COL12A1: variants seen among roughly 807,000 people sequenced by gnomAD.
COL12A1 encodes collagen type XII alpha 1 chain, also known as collagen alpha-1(XII) chain.
Under a neutral mutation model 349.7 loss-of-function variants are expected in COL12A1, and 114 were observed. That is an observed-to-expected ratio of 0.33 (90% CI 0.28 to 0.38). The LOEUF (loss-of-function observed/expected upper bound fraction) is 0.38, where lower values mean the gene tolerates loss of function less well. Ranked by LOEUF, COL12A1 falls within the 10% of genes least tolerant of loss-of-function variation. COL12A1 has a pLI of 1.00. For missense variants in COL12A1, 3,284 were observed against 3,756.9 expected (o/e 0.87, Z 3.29); for synonymous variants, 1,369 against 1,329.0 (o/e 1.03, Z -0.66).
In COL12A1 at chr6:75,188,319, T is replaced by C; in HGVS notation, c.997+43A>G. The C allele has an allele frequency of 3.2e-6, 5 of 1,549,316 alleles. No individual in the cohort carries two copies. The South Asian group carries it at 4.9e-5, about 15-fold the overall frequency. Reference sequence around the variant, plus strand: ...AAGATAACTATAAATACTCAAACAATGGAAAAGACTAACACATGGGGAATG... The same window carrying C: ...AAGATAACTATAAATACTCAAACAACGGAAAAGACTAACACATGGGGAATG... On this transcript the variant is annotated intron_variant, in intron 8 of 65. Coordinates refer to ENST00000322507, the MANE Select transcript of COL12A1 (RefSeq NM_004370.6).
chr6:75,095,369 G>A (rs550407735), intron 59 of COL12A1, among the ~76,000 whole-genome samples, 190 bp from the exon 60 acceptor site: 2 of 152,300 alleles, frequency 1.3e-5, no homozygotes, highest in African/African-American at 4.8e-5. Context: ...TGTAATCCCA[G>A]CACTTTGGGA....
In COL12A1 at chr6:75,130,883, C is replaced by G; in HGVS notation, c.6036G>C (p.Glu2012Asp). ...GGCCCTGGGCAGGGCTGGGATTTCC[C>G]TCTCCATCCGAGTACAGAGCCACAA... ...VNLVALYSDGEGNPSPAQGRT... is the reference protein window; with the variant it reads ...VNLVALYSDGDGNPSPAQGRT... The change falls in exon 36 of 66, where the codon GAG (glutamate) becomes GAC (aspartate). Residue 2012 changes from glutamate (E) to aspartate (D), a missense_variant. By Grantham distance (45) the Glu-to-Asp change is conservative. Transcript: ENST00000322507. The G allele has an allele frequency of 6.2e-7, 1 of 1,614,084 alleles. No homozygotes were observed. Among genetic ancestry groups the G allele is most frequent in the East Asian group, 2.2e-5 (1 of 44,862 alleles).
intron 20 of COL12A1, 73 bp from the exon 21 acceptor site, chr6:75,151,360 C>T (rs527355826): frequency 6.2e-5 from 88 of 1,419,678 alleles, no homozygotes; most frequent in East Asian, 1.7e-4. Flanking sequence ...AAATGATTTA[C>T]GGCTTTCTTA....
intron 7 of COL12A1, 24 bp from the exon 8 acceptor site, chr6:75,188,559 A>T: frequency 6.2e-7 from 1 of 1,603,994 alleles, no homozygotes; most frequent in Non-Finnish European, 8.5e-7. Context: ...GGATAAGGAC[A>T]TATTGAAATG....
chr6:75,170,294 T>C (rs185548573), intron 13 of COL12A1, among the ~76,000 whole-genome samples: 2 of 152,336 alleles, frequency 1.3e-5, no homozygotes, highest in Admixed American at 6.5e-5. Context: ...AGAAGTTAAA[T>C]TGAAAATGTA....
chr6:75,129,565 TATGACAC>T (rs1766198470), intron 37 of COL12A1, among the ~76,000 whole-genome samples: 1 of 152,178 alleles, frequency 6.6e-6, no homozygotes, highest in South Asian at 2.1e-4. Flanking sequence ...AAAGACAAAC[TATGACAC>T]TCAAAAAGTT....
Position 75,148,420 on chromosome 6 carries a change from A to G in COL12A1, c.4225T>C (p.Ser1409Pro). The change falls in exon 22 of 66, where the codon TCT becomes CCT. Residue 1409 changes from serine to proline, a missense_variant. Ser to Pro is a moderately conservative substitution (Grantham distance 74, BLOSUM62 -1). This residue lies in a region of COL12A1 where 2,601 missense variants were observed against 2,824.8 expected (regional missense o/e 0.92). Coordinates refer to ENST00000322507, the MANE Select transcript of COL12A1 (RefSeq NM_004370.6). ...ACCTTATATCGATCCACACTGTCAG[A>G]AGGTGGTGTCCAGCTCACTCTAAAA... is the stretch of plus-strand genomic sequence containing the variant. ...RSFRVSWTPP[S>P]DSVDRYKVEY... 3 of 1,613,596 alleles carry G rather than the reference A, an allele frequency of 1.9e-6. No homozygotes were observed. Among genetic ancestry groups the G allele is most frequent in the Non-Finnish European group, 2.5e-6 (3 of 1,179,606 alleles).
intron 3 of COL12A1, among the ~76,000 whole-genome samples, chr6:75,193,315 T>C (rs898641636): frequency 3.3e-5 from 5 of 152,164 alleles, no homozygotes; most frequent in Non-Finnish European, 7.4e-5. Flanking sequence ...ACTGCAAATA[T>C]ATTTGGGGAG....
intron 16 of COL12A1, among the ~76,000 whole-genome samples, chr6:75,154,855 C>T (rs567349933): frequency 1.3e-5 from 2 of 152,180 alleles, no homozygotes; most frequent in East Asian, 3.9e-4. Context: ...GGGTCAGACT[C>T]TTTAATCTTA....
In COL12A1 at chr6:75,090,838, G is replaced by A. The variant is rs1051246191; in HGVS notation, c.8752+485C>T. Among the ~76,000 whole-genome samples the A allele has an allele frequency of 1.3e-5, 2 of 152,164 alleles. No individual in the cohort carries two copies. The highest frequency in any genetic ancestry group is 2.9e-5 in the Non-Finnish European group (2 of 68,030). On this transcript the variant is annotated intron_variant, in intron 62 of 65. Transcript: ENST00000322507. The surrounding 1 kb of genome is among the most constrained non-coding windows in gnomAD (Gnocchi z 4.1). ...TCTAAGGCAGGTGTTCCTCAGTACC[G>A]CACTTTGGAAAACATTGATTAAGAC...
chr6:75,129,093 T>G (rs1766169674), intron 37 of COL12A1, among the ~76,000 whole-genome samples: 1 of 152,232 alleles, frequency 6.6e-6, no homozygotes, highest in Non-Finnish European at 1.5e-5. Context: ...ATAAATTGTA[T>G]TTTTAATGTT....
chr6:75,202,640 C>G, intron 2 of COL12A1, 80 bp downstream of exon 2: 1 of 1,360,930 alleles, frequency 7.3e-7, no homozygotes, highest in Non-Finnish European at 1.0e-6. Context: ...ACAGAGCAAG[C>G]AATAGAAGCA....
In COL12A1 at chr6:75,090,105, C is replaced by A; in HGVS notation, c.8941+5G>T. Reference sequence around the variant, plus strand: ...TATCCCAATACAGAAGCCAGAAATGCCTACCTCGTTCCCCAGGGGGTCCCT... The same window carrying A: ...TATCCCAATACAGAAGCCAGAAATGACTACCTCGTTCCCCAGGGGGTCCCT... On this transcript the variant is annotated splice_donor_5th_base_variant and intron_variant, in intron 63 of 65. Coordinates refer to ENST00000322507, the MANE Select transcript of COL12A1 (RefSeq NM_004370.6). The surrounding 1 kb of genome is among the most constrained non-coding windows in gnomAD (Gnocchi z 4.1). 2 of 1,612,748 alleles carry A rather than the reference C, an allele frequency of 1.2e-6. No homozygotes were observed. Among genetic ancestry groups the A allele is most frequent in the Non-Finnish European group, 1.7e-6 (2 of 1,179,858 alleles).
At chr6:75,139,412 A>G (rs778583236) in intron 27 of COL12A1, among the ~76,000 whole-genome samples, 13 of 152,200 alleles carry the variant, frequency 8.5e-5, no homozygotes, top group Non-Finnish European at 1.3e-4. Context: ...TATATTATAC[A>G]TTAAAGATGA....
In COL12A1 at chr6:75,134,761, C is replaced by T; in HGVS notation, c.5489G>A (p.Gly1830Asp). 1 of 1,610,038 alleles carries T rather than the reference C, an allele frequency of 6.2e-7. No homozygotes were observed. Among genetic ancestry groups the T allele is most frequent in the East Asian group, 2.2e-5 (1 of 44,852 alleles). ...TCTTCCCGTCATCCGACCTCCTTCACCATCAGGATACAGAGAGGATACGGT... is the reference window on the plus strand; with the variant it reads ...TCTTCCCGTCATCCGACCTCCTTCATCATCAGGATACAGAGAGGATACGGT... ...TITVSSLYPD[G>D]EGGRMTGRGK... The change falls in exon 32 of 66, where the codon GGT (glycine) becomes GAT (aspartate). Residue 1830 changes from glycine to aspartate, a missense_variant. Coordinates refer to ENST00000322507, the MANE Select transcript of COL12A1 (RefSeq NM_004370.6).
chr6:75,150,328 C>A (rs973998696), intron 21 of COL12A1, among the ~76,000 whole-genome samples: 4 of 152,022 alleles, frequency 2.6e-5, no homozygotes, highest in African/African-American at 9.7e-5. Context: ...TGGTATAAAT[C>A]CAGTTCTATA....
intron 5 of COL12A1, 60 bp downstream of exon 5, chr6:75,191,641 T>C: frequency 1.7e-6 from 2 of 1,174,632 alleles, no homozygotes; most frequent in East Asian, 2.5e-5. Flanking sequence ...GGAACATCTG[T>C]TCTATCCTAC....
At chr6:75,177,264 C>T (rs1769009804) in intron 12 of COL12A1, among the ~76,000 whole-genome samples, 1 of 151,962 alleles carries the variant, frequency 6.6e-6, no homozygotes, top group Non-Finnish European at 1.5e-5. Flanking sequence ...TGGTGAAACC[C>T]TCTTTCTACT....
At chr6:75,173,715 T>C (rs1395523594) in intron 13 of COL12A1, among the ~76,000 whole-genome samples, 1 of 152,172 alleles carries the variant, frequency 6.6e-6, no homozygotes, top group African/African-American at 2.4e-5. Flanking sequence ...TTTATTTGTT[T>C]TTCATTCTTA....
Sources: allele counts gnomAD v4.1 joint callset (sites outside exome capture counted in the v4.1 genomes callset), GRCh38; gene constraint gnomAD v4.1.1; regional missense constraint gnomAD v4.1.1; non-coding constraint Gnocchi (gnomAD v3.1); transcripts MANE v1.5; gene names NCBI Gene and HGNC (gene_info 2026-07-23, HGNC 2026-07-21).